Variants in CCSER1 observed in about 807,000 individuals in gnomAD.
CCSER1 encodes serine-rich coiled-coil domain-containing protein 1.
In CCSER1, 41 loss-of-function variants were observed where a neutral mutation model predicts 82.0. That is an observed-to-expected ratio of 0.50 (90% CI 0.39 to 0.65). CCSER1 has a LOEUF of 0.65. Ranked by LOEUF, CCSER1 falls within the 30% of genes least tolerant of loss-of-function variation. The pLI, the probability that CCSER1 is intolerant of heterozygous loss-of-function variation, is 0.00. For synonymous variants in CCSER1, 414 were observed against 383.9 expected, an observed-to-expected ratio of 1.08 and a Z score of -0.92; for missense variants, 1,119 against 1,064.2, an observed-to-expected ratio of 1.05 and a Z score of -0.72.
chr4:91,145,059 T>C (rs1249352944), intron 10 of CCSER1, among the ~76,000 whole-genome samples: 2 of 152,232 alleles, frequency 1.3e-5, no homozygotes, highest in African/African-American at 4.8e-5. Flanking sequence ...TAGTGGGGTG[T>C]CAAAATATCC....
chr4:91,553,643 G>T (rs1218873542), intron 10 of CCSER1, among the ~76,000 whole-genome samples: 1 of 150,572 alleles, frequency 6.6e-6, no homozygotes, highest in Non-Finnish European at 1.5e-5. Flanking sequence ...GCATGAATTA[G>T]CTTTGGTAGG....
chr4:90,933,004 G>GA (rs751199306), intron 9 of CCSER1, among the ~76,000 whole-genome samples: 2 of 69,956 alleles, frequency 2.9e-5, no homozygotes, highest in African/African-American at 2.1e-4. Flanking sequence ...AAGAAAGAAA[G>GA]AAAGAAAGAA....
chr4:90,365,685 A>G (rs1168234068), intron 3 of CCSER1, among the ~76,000 whole-genome samples: 2 of 151,900 alleles, frequency 1.3e-5, no homozygotes, highest in African/African-American at 2.4e-5. Context: ...TCAGAAAACC[A>G]TAAATATATA....
chr4:91,019,983 A>G (rs1739783003), intron 9 of CCSER1, among the ~76,000 whole-genome samples: 1 of 152,218 alleles, frequency 6.6e-6, no homozygotes, highest in Non-Finnish European at 1.5e-5. Context: ...AACTGATGAT[A>G]TGTGTCAAAA....
At chr4:90,997,500 C>T (rs991497333) in intron 9 of CCSER1, among the ~76,000 whole-genome samples, 1 of 152,134 alleles carries the variant, frequency 6.6e-6, no homozygotes, top group Non-Finnish European at 1.5e-5. Flanking sequence ...AACATATTTA[C>T]AGCTTCTGGG....
intron 1 of CCSER1, among the ~76,000 whole-genome samples, chr4:90,300,236 AT>A (rs1331785630): frequency 6.6e-6 from 1 of 152,086 alleles, no homozygotes; most frequent in Non-Finnish European, 1.5e-5. Context: ...TCTTTTCAGT[AT>A]TATTTTATGT....
chr4:90,616,332 G>T (rs1721187457), intron 5 of CCSER1, among the ~76,000 whole-genome samples: 1 of 151,764 alleles, frequency 6.6e-6, no homozygotes, highest in South Asian at 2.1e-4. Context: ...AGTAGTTTTT[G>T]GTTAAAATTT....
intron 7 of CCSER1, among the ~76,000 whole-genome samples, chr4:90,812,880 C>T (rs1400873672): frequency 6.6e-6 from 1 of 152,114 alleles, no homozygotes; most frequent in East Asian, 1.9e-4. Flanking sequence ...GGAAACCACC[C>T]CCATGATCCA....
chr4:90,467,999 A>G (rs746207335), intron 4 of CCSER1, among the ~76,000 whole-genome samples: 14 of 152,180 alleles, frequency 9.2e-5, no homozygotes, highest in Non-Finnish European at 1.5e-4. Context: ...GAAGGACTAT[A>G]AACTGTTGGC....
At chr4:91,576,846 A>G (rs1355200423) in intron 10 of CCSER1, among the ~76,000 whole-genome samples, 1 of 152,012 alleles carries the variant, frequency 6.6e-6, no homozygotes, top group Non-Finnish European at 1.5e-5. Context: ...TTTTTGGATT[A>G]GGAATACTTA....
chr4:91,213,055 GCAAATGACATGATTTCATT>G, intron 10 of CCSER1, among the ~76,000 whole-genome samples: 1 of 152,194 alleles, frequency 6.6e-6, no homozygotes, highest in East Asian at 1.9e-4. Flanking sequence ...CCATGTTATT[GCAAATGACATGATTTCATT>G]CTTTTTTATG....
chr4:91,255,696 C>T (rs1340815705), intron 10 of CCSER1, among the ~76,000 whole-genome samples: 3 of 152,128 alleles, frequency 2.0e-5, no homozygotes, highest in African/African-American at 7.2e-5. Flanking sequence ...CAAATTAATA[C>T]TTTTATAATT....
chr4:90,544,195 C>T (rs1776465925), intron 5 of CCSER1, among the ~76,000 whole-genome samples: 1 of 151,986 alleles, frequency 6.6e-6, no homozygotes, highest in African/African-American at 2.4e-5. Flanking sequence ...TGGAGAAAAA[C>T]GTTATCTTTA....
At chr4:91,418,512 C>T (rs986167047) in intron 10 of CCSER1, among the ~76,000 whole-genome samples, 6 of 151,372 alleles carry the variant, frequency 4.0e-5, no homozygotes, top group East Asian at 3.9e-4. Flanking sequence ...TGAAACCTGC[C>T]GAGACTAAAT....
At chr4:91,473,044 AATG>A (rs146598564) in intron 10 of CCSER1, among the ~76,000 whole-genome samples, 16,712 of 152,072 alleles carry the variant, frequency 0.11, 977 homozygotes, top group African/African-American at 0.12. Context: ...CCAAATTCCA[AATG>A]ATATTTCATA....
At chr4:91,532,887 T>G (rs966319161) in intron 10 of CCSER1, among the ~76,000 whole-genome samples, 6 of 150,630 alleles carry the variant, frequency 4.0e-5, no homozygotes, top group African/African-American at 1.5e-4. Context: ...AAAAAAAAAG[T>G]TATGCTTTCC....
intron 4 of CCSER1, among the ~76,000 whole-genome samples, chr4:90,414,772 T>C: frequency 6.6e-6 from 1 of 152,148 alleles, no homozygotes; most frequent in East Asian, 1.9e-4. Context: ...TCAAGGTCAA[T>C]ATTTCAAATA....
intron 10 of CCSER1, among the ~76,000 whole-genome samples, chr4:91,222,471 C>A (rs1296792900): frequency 6.6e-6 from 1 of 152,154 alleles, no homozygotes; most frequent in Non-Finnish European, 1.5e-5. Flanking sequence ...AAGAACTTAT[C>A]TATTCCTCAT....
rs570917690 is a variant in CCSER1 at position 91,260,954 on chromosome 4, A to G, written c.2217+174960A>G. On this transcript the variant is annotated intron_variant, in intron 10 of 10. Coordinates refer to ENST00000509176, the MANE Select transcript of CCSER1 (RefSeq NM_001145065.2). ...TTCTTTTTGTATTTTTAGTAGAGAC[A>G]GGGTTTCATCATGTTAGCCATGATG... is the stretch of plus-strand genomic sequence containing the variant. Among the ~76,000 whole-genome samples, 502 of 152,058 alleles carry G rather than the reference A, an allele frequency of 3.3e-3. 2 individuals are homozygous for G. The highest frequency in any genetic ancestry group is 0.012 in the African/African-American group (482 of 41,492).
Sources: gnomAD v4.1 joint callset for allele counts (sites outside exome capture counted in the v4.1 genomes callset) on GRCh38, gnomAD v4.1.1 for gene constraint, MANE v1.5 for transcripts, NCBI Gene and HGNC (gene_info 2026-07-23, HGNC 2026-07-21) for gene names.